The following FRK variants were observed in gnomAD, a reference collection of about 807,000 sequenced individuals.
FRK encodes tyrosine-protein kinase FRK.
A neutral mutation model predicts 56.4 loss-of-function variants in FRK; 51 were observed. The ratio of observed to expected loss-of-function variants is 0.90; its 90% CI spans 0.72 to 1.14. FRK has a LOEUF of 1.14. Ranked by LOEUF, FRK falls within the 50% of genes most tolerant of loss-of-function variation. FRK has a pLI of 0.00. For missense variants in FRK, 570 were observed against 601.4 expected, an observed-to-expected ratio of 0.95 and a Z score of 0.55; for synonymous variants, 245 against 217.9, an observed-to-expected ratio of 1.12 and a Z score of -1.10.
At chr6:116,095,670 T>C in the FRK span, among the ~76,000 whole-genome samples, 1 of 152,166 alleles carries the variant, frequency 6.6e-6, no homozygotes, top group Non-Finnish European at 1.5e-5. Flanking sequence ...TTCATGATCC[T>C]ACTACCACAC....
intron 1 of FRK, among the ~76,000 whole-genome samples, chr6:116,035,274 A>G (rs1446496018): frequency 6.6e-6 from 1 of 152,026 alleles, no homozygotes; most frequent in Non-Finnish European, 1.5e-5. Context: ...GTCCTGACAA[A>G]TGATTTAATT....
At chr6:115,980,975 A>G (rs1323074280) in intron 2 of FRK, among the ~76,000 whole-genome samples, 1 of 152,084 alleles carries the variant, frequency 6.6e-6, no homozygotes, top group Non-Finnish European at 1.5e-5. Flanking sequence ...ATGTTTAGCT[A>G]TATTTTATAT....
chr6:116,032,540 C>T (rs977629010), intron 1 of FRK, among the ~76,000 whole-genome samples: 2 of 152,098 alleles, frequency 1.3e-5, no homozygotes, highest in African/African-American at 2.4e-5. Flanking sequence ...CTTTAACAAA[C>T]ATGTGGTGTA....
chr6:116,062,911 T>C (rs1369574566), upstream of FRK, among the ~76,000 whole-genome samples: 1 of 152,212 alleles, frequency 6.6e-6, no homozygotes. Flanking sequence ...AAGCTCCTTC[T>C]GAGCGACAGC....
chr6:115,968,766 T>C (rs1417544478), intron 2 of FRK, 27 bp from the exon 3 acceptor site: 1 of 1,601,872 alleles, frequency 6.2e-7, no homozygotes, highest in Admixed American at 1.7e-5. Context: ...TTCCTGTTAA[T>C]AAACTTCTTG....
chr6:115,947,217 A>T (rs1288255393), intron 5 of FRK, among the ~76,000 whole-genome samples: 1 of 152,070 alleles, frequency 6.6e-6, no homozygotes, highest in Non-Finnish European at 1.5e-5. Flanking sequence ...TTACATGTTA[A>T]ACAATATTGT....
At chr6:116,062,121 A>T (rs987000894), upstream of FRK, among the ~76,000 whole-genome samples, 11 of 152,198 alleles carry the variant, frequency 7.2e-5, no homozygotes, top group African/African-American at 2.7e-4. Flanking sequence ...GGACAGATCA[A>T]TTGGTTAAAA....
At chr6:116,067,597 AC>A in the FRK span, among the ~76,000 whole-genome samples, 1 of 152,330 alleles carries the variant, frequency 6.6e-6, no homozygotes, top group East Asian at 1.9e-4. Context: ...ATAACAAAAA[AC>A]ATTTTTATTG....
chr6:115,980,523 C>T lies in FRK; in HGVS notation c.467-11784G>A, dbSNP rs981765984. On this transcript the variant is annotated intron_variant, in intron 2 of 7. Transcript: ENST00000606080. ...TATGGGCAAAGATGATTAAATTTGCCAACATGAAAATAATTGTGTTAGATT... is the reference window on the plus strand; with the variant it reads ...TATGGGCAAAGATGATTAAATTTGCTAACATGAAAATAATTGTGTTAGATT... Among the ~76,000 whole-genome samples the T allele has an allele frequency of 3.9e-5, 6 of 152,116 alleles. No individual in the cohort carries two copies. In the East Asian group the frequency reaches 1.2e-3, roughly 29 times the overall value.
At chr6:115,945,541 C>A (rs1249669137) in intron 5 of FRK, among the ~76,000 whole-genome samples, 1 of 152,100 alleles carries the variant, frequency 6.6e-6, no homozygotes, top group East Asian at 1.9e-4. Flanking sequence ...TATTACTCAA[C>A]TGCTACTGAA....
At chr6:116,095,083 G>A in the FRK span, among the ~76,000 whole-genome samples, 2 of 152,248 alleles carry the variant, frequency 1.3e-5, no homozygotes, top group African/African-American at 2.4e-5. Context: ...CTGACAACCC[G>A]TAGCCTTTCT....
At position 115,953,175 on chromosome 6, in the gene FRK, A is replaced by G. The variant is rs1418610720; in HGVS notation, c.958+3277T>C. On this transcript the variant is annotated intron_variant, in intron 5 of 7. Coordinates refer to ENST00000606080, the MANE Select transcript of FRK (RefSeq NM_002031.3). ...ACTTAAGAGTGGTACATCCATTTTA[A>G]GGCCATTTTTTTTTTTTTTTTTTTT... Among the ~76,000 whole-genome samples the G allele has an allele frequency of 3.0e-5, 4 of 134,886 alleles. 1 individual carries two copies. Among genetic ancestry groups the G allele is most frequent in the Non-Finnish European group, 4.7e-5 (3 of 64,040 alleles). 88.5% of individuals were successfully genotyped at this position (134,886 alleles called of 152,430 possible).
intron 4 of FRK, among the ~76,000 whole-genome samples, chr6:115,957,524 T>C (rs749162772): frequency 1.9e-4 from 29 of 152,242 alleles, no homozygotes; most frequent in Non-Finnish European, 8.8e-5. Flanking sequence ...ATGGTTTCCA[T>C]TGATGCTCAA....
intron 2 of FRK, among the ~76,000 whole-genome samples, chr6:115,979,502 G>C (rs78930634): frequency 0.1 from 15,298 of 151,996 alleles, 893 homozygotes; most frequent in South Asian, 0.15. Context: ...GTTATAGTAA[G>C]CTAAAGTTCA....
At chr6:116,056,423 T>C (rs959975062) in intron 1 of FRK, among the ~76,000 whole-genome samples, 7 of 152,170 alleles carry the variant, frequency 4.6e-5, no homozygotes. Flanking sequence ...GGTCTCACTA[T>C]GTTGCTCAGC....
intron 2 of FRK, among the ~76,000 whole-genome samples, chr6:116,003,037 T>A (rs1325545415): frequency 1.3e-5 from 2 of 152,228 alleles, no homozygotes; most frequent in Admixed American, 1.3e-4. Flanking sequence ...ATGGGCATCA[T>A]GTTTAATCAG....
intron 2 of FRK, among the ~76,000 whole-genome samples, chr6:115,988,346 C>G (rs545087644): frequency 6.6e-6 from 1 of 152,014 alleles, no homozygotes; most frequent in South Asian, 2.1e-4. Flanking sequence ...CATATAAAAA[C>G]TAGGTGCCTA....
intron 6 of FRK, 140 bp downstream of exon 6, chr6:115,944,104 G>T: frequency 1.6e-6 from 1 of 608,212 alleles, no homozygotes; most frequent in Non-Finnish European, 2.7e-6. Context: ...AGTTTGTAAG[G>T]CTTTGGACTA....
the FRK span, among the ~76,000 whole-genome samples, chr6:116,067,189 T>A: frequency 2.6e-5 from 4 of 152,008 alleles, no homozygotes; most frequent in African/African-American, 9.7e-5. Flanking sequence ...GGCCAAGGAA[T>A]ACCAGCAAAC....
Sources: gnomAD v4.1 joint callset for allele counts (sites outside exome capture counted in the v4.1 genomes callset) on GRCh38, gnomAD v4.1.1 for gene constraint, MANE v1.5 for transcripts, NCBI Gene and HGNC (gene_info 2026-07-23, HGNC 2026-07-21) for gene names.